The following DTWD2 variants were observed in gnomAD, a reference collection of about 807,000 sequenced individuals.
DTWD2 encodes DTW motif tRNA-uridine aminocarboxypropyltransferase 2, also known as tRNA-uridine aminocarboxypropyltransferase 2.
In DTWD2, 39 loss-of-function variants were observed where a neutral mutation model predicts 31.8. That is an observed-to-expected ratio of 1.22 (90% CI 0.95 to 1.60). The LOEUF (loss-of-function observed/expected upper bound fraction) is 1.60, where lower values mean the gene tolerates loss of function less well. DTWD2 is among the 40% of genes most tolerant of loss of function. The pLI is 0.00. For missense variants in DTWD2, 515 were observed against 381.5 expected (o/e 1.35, Z -2.92); for synonymous variants, 180 against 142.8 (o/e 1.26, Z -1.86).
intron 4 of DTWD2, among the ~76,000 whole-genome samples, chr5:118,883,815 G>A (rs1455600010): frequency 2.0e-5 from 3 of 152,122 alleles, no homozygotes; most frequent in Non-Finnish European, 4.4e-5. Flanking sequence ...GAGACACAGA[G>A]CCAAACCATA....
rs553369885 is a variant in DTWD2, at chr5:118,906,555, T to C, written c.597+21982A>G. On this transcript the variant is annotated intron_variant, in intron 4 of 5. Transcript: ENST00000510708. ...TTCTGATACATACAACAAAAATTAA[T>C]TGTCCAATAATTATGCTTAATAAAA... Among the ~76,000 whole-genome samples the C allele has an allele frequency of 1.1e-4, 17 of 152,306 alleles. No individual in the cohort carries two copies. In the East Asian group the frequency reaches 3.3e-3, roughly 29 times the overall value.
intron 4 of DTWD2, among the ~76,000 whole-genome samples, chr5:118,913,735 A>C (rs1168673604): frequency 6.6e-6 from 1 of 152,024 alleles, no homozygotes; most frequent in Non-Finnish European, 1.5e-5. Flanking sequence ...AGTGAGCAAG[A>C]AATCAATTTA....
At chr5:118,850,234 C>G (rs1751965633) in intron 4 of DTWD2, among the ~76,000 whole-genome samples, 1 of 146,476 alleles carries the variant, frequency 6.8e-6, no homozygotes, top group African/African-American at 2.5e-5. Context: ...GAGGCCGAGG[C>G]TGGCAGATCA....
At chr5:118,903,980 A>C (rs1356628080) in intron 4 of DTWD2, among the ~76,000 whole-genome samples, 1 of 152,084 alleles carries the variant, frequency 6.6e-6, no homozygotes, top group African/African-American at 2.4e-5. Context: ...GTATTTCCTT[A>C]ATTAGGACTA....
intron 1 of DTWD2, among the ~76,000 whole-genome samples, chr5:118,969,220 T>C (rs746629180): frequency 6.6e-6 from 1 of 151,950 alleles, no homozygotes; most frequent in Non-Finnish European, 1.5e-5. Flanking sequence ...GTGACTGTAT[T>C]TGCAGTTCAG....
intron 4 of DTWD2, among the ~76,000 whole-genome samples, chr5:118,893,940 C>A (rs56406364): frequency 0.26 from 39,979 of 151,576 alleles, 9,641 homozygotes; most frequent in African/African-American, 0.65. Flanking sequence ...AAAGGAGCAC[C>A]GTTGGTTAAC....
chr5:118,864,580 T>C (rs1386116881), intron 4 of DTWD2, among the ~76,000 whole-genome samples: 1 of 150,678 alleles, frequency 6.6e-6, no homozygotes, highest in Non-Finnish European at 1.5e-5. Flanking sequence ...AAAGTTGGGC[T>C]CCTAACCTCC....
chr5:118,846,965 C>A (rs1257884263), intron 5 of DTWD2, among the ~76,000 whole-genome samples: 1 of 132,068 alleles, frequency 7.6e-6, no homozygotes, highest in African/African-American at 3.1e-5. Flanking sequence ...CACACACACA[C>A]ATACACACGA....
chr5:118,943,566 A>C (rs1321077799), intron 2 of DTWD2, among the ~76,000 whole-genome samples: 1 of 151,304 alleles, frequency 6.6e-6, no homozygotes, highest in African/African-American at 2.4e-5. Flanking sequence ...AAAAAAAAAA[A>C]GGCTGAGAAA....
chr5:118,927,727 G>C (rs942830871), intron 4 of DTWD2, among the ~76,000 whole-genome samples: 6 of 151,910 alleles, frequency 3.9e-5, no homozygotes, highest in Admixed American at 6.6e-5. Flanking sequence ...AGAAGAGTTT[G>C]AAAGAAGAAT....
chr5:118,910,138 C>G (rs1288310496), intron 4 of DTWD2, among the ~76,000 whole-genome samples: 1 of 152,168 alleles, frequency 6.6e-6, no homozygotes, highest in Non-Finnish European at 1.5e-5. Flanking sequence ...TAAAACATGG[C>G]CAGGGTGACA....
intron 1 of DTWD2, among the ~76,000 whole-genome samples, chr5:118,969,402 AG>A (rs1441942944): frequency 6.6e-6 from 1 of 152,200 alleles, no homozygotes; most frequent in African/African-American, 2.4e-5. Context: ...TAGGGGCTCC[AG>A]ACACCTTCTA....
chr5:118,970,567 C>G (rs1010509521), intron 1 of DTWD2, among the ~76,000 whole-genome samples: 2 of 152,186 alleles, frequency 1.3e-5, no homozygotes, highest in South Asian at 4.1e-4. Context: ...AAACATACTT[C>G]AGGATCTCAT....
chr5:118,946,667 T>A (rs1754345644), intron 1 of DTWD2, among the ~76,000 whole-genome samples: 1 of 152,072 alleles, frequency 6.6e-6, no homozygotes, highest in African/African-American at 2.4e-5. Flanking sequence ...TGACTTTGAA[T>A]TTTTTTTAAT....
chr5:118,848,635 G>A (rs757167409), intron 4 of DTWD2, among the ~76,000 whole-genome samples: 65 of 152,074 alleles, frequency 4.3e-4, no homozygotes, highest in Non-Finnish European at 6.3e-4. Flanking sequence ...AGGCTACAAG[G>A]CTACAGTAAC....
intron 5 of DTWD2, among the ~76,000 whole-genome samples, chr5:118,845,887 C>T (rs1360980947): frequency 6.6e-6 from 1 of 152,128 alleles, no homozygotes; most frequent in Non-Finnish European, 1.5e-5. Flanking sequence ...CATCACAAAG[C>T]ACAATCTAGC....
chr5:118,882,709 G>C (rs376516448), intron 4 of DTWD2, among the ~76,000 whole-genome samples: 4 of 152,250 alleles, frequency 2.6e-5, no homozygotes, highest in East Asian at 1.9e-4. Context: ...AATGTTCTGA[G>C]CTGTACCTTA....
At chr5:118,931,385 C>G (rs187028920) in intron 3 of DTWD2, among the ~76,000 whole-genome samples, 1 of 132,840 alleles carries the variant, frequency 7.5e-6, no homozygotes, top group Non-Finnish European at 1.5e-5. Flanking sequence ...AGCAACAGAA[C>G]GAGACCTTGT....
chr5:118,913,969 AATAAAT>A (rs1298203966), intron 4 of DTWD2, among the ~76,000 whole-genome samples: 1 of 102,700 alleles, frequency 9.7e-6, no homozygotes, highest in South Asian at 2.5e-4. Flanking sequence ...CCAAGCATAC[AATAAAT>A]ATAAATAAAA....
Sources: allele counts gnomAD v4.1 joint callset (sites outside exome capture counted in the v4.1 genomes callset), GRCh38; gene constraint gnomAD v4.1.1; transcripts MANE v1.5; gene names NCBI Gene and HGNC (gene_info 2026-07-23, HGNC 2026-07-21).